The following DGKB variants were observed in gnomAD, a reference collection of about 807,000 sequenced individuals.
DGKB encodes the protein 90 kDa diacylglycerol kinase.
In DGKB, 67 loss-of-function variants were observed where a neutral mutation model predicts 114.3. That is an observed-to-expected ratio of 0.59 (90% CI 0.48 to 0.72). DGKB has a LOEUF of 0.72. DGKB is among the 30% of genes least tolerant of loss of function. DGKB has a pLI of 0.00. For synonymous variants in DGKB, 398 were observed against 323.1 expected, an observed-to-expected ratio of 1.23 and a Z score of -2.49; for missense variants, 907 against 975.2, an observed-to-expected ratio of 0.93 and a Z score of 0.93.
At chr7:14,940,005 CT>C (rs1177370392) in intron 1 of DGKB, among the ~76,000 whole-genome samples, 4 of 152,160 alleles carry the variant, frequency 2.6e-5, no homozygotes, top group Non-Finnish European at 4.4e-5. Context: ...TGTAAAAACA[CT>C]GTGTGGTGAC....
At chr7:14,575,049 C>A (rs1156637414) in intron 19 of DGKB, among the ~76,000 whole-genome samples, 3 of 152,146 alleles carry the variant, frequency 2.0e-5, no homozygotes, top group African/African-American at 7.2e-5. Context: ...TACTTGAGGC[C>A]AGGAGTTCCA....
chr7:14,964,730 A>G (rs1427355167), intron 1 of DGKB, among the ~76,000 whole-genome samples: 1 of 152,148 alleles, frequency 6.6e-6, no homozygotes, highest in African/African-American at 2.4e-5. Context: ...TGAGGAGGAA[A>G]TATTGAGGAG....
intron 14 of DGKB, among the ~76,000 whole-genome samples, chr7:14,628,313 G>GTGTGTGTGTGTGTA (rs1179521175): frequency 6.6e-6 from 1 of 152,108 alleles, no homozygotes; most frequent in Non-Finnish European, 1.5e-5. Flanking sequence ...AGTTATGTGT[G>GTGTGTGTGTGTGTA]TGTGTGTGTG....
intron 21 of DGKB, among the ~76,000 whole-genome samples, chr7:14,352,585 T>C (rs1456772006): frequency 1.3e-5 from 2 of 152,140 alleles, no homozygotes; most frequent in Non-Finnish European, 2.9e-5. Context: ...ACATGTAAAA[T>C]GTTTAAACAA....
intron 13 of DGKB, among the ~76,000 whole-genome samples, chr7:14,665,780 A>G (rs1352833979): frequency 2.0e-5 from 3 of 152,064 alleles, no homozygotes; most frequent in Non-Finnish European, 1.5e-5. Flanking sequence ...TTAAAGAGCC[A>G]CTTTACCTCA....
At chr7:14,563,919 G>C (rs1032910702) in intron 20 of DGKB, among the ~76,000 whole-genome samples, 2 of 151,936 alleles carry the variant, frequency 1.3e-5, no homozygotes, top group South Asian at 4.1e-4. Flanking sequence ...GCTCAGCCAG[G>C]GGAATGAAAA....
chr7:14,631,247 G>C (rs900456539), intron 13 of DGKB, among the ~76,000 whole-genome samples: 1 of 95,380 alleles, frequency 1.0e-5, no homozygotes, highest in African/African-American at 4.1e-5. Context: ...GAGAACTTTA[G>C]AAAGGCAGCA....
chr7:14,723,887 T>A (rs1323710314), intron 5 of DGKB, among the ~76,000 whole-genome samples: 1 of 152,172 alleles, frequency 6.6e-6, no homozygotes, highest in Admixed American at 6.5e-5. Context: ...AGACACTTCA[T>A]TTCTTGAAAC....
chr7:14,183,440 G>A (rs979651216), intron 23 of DGKB, among the ~76,000 whole-genome samples: 1 of 152,202 alleles, frequency 6.6e-6, no homozygotes, highest in Non-Finnish European at 1.5e-5. Context: ...GTACAAGTAT[G>A]TAAAACATAA....
chr7:14,485,641 G>A (rs1783690268), intron 20 of DGKB, among the ~76,000 whole-genome samples: 1 of 152,026 alleles, frequency 6.6e-6, no homozygotes, highest in Admixed American at 6.6e-5. Context: ...GCTCACGCCT[G>A]TAATCCCAGC....
intron 2 of DGKB, among the ~76,000 whole-genome samples, chr7:14,830,780 G>T (rs537648360): frequency 6.6e-6 from 1 of 152,146 alleles, no homozygotes; most frequent in Non-Finnish European, 1.5e-5. Flanking sequence ...TACAAAAGAA[G>T]TTACTGCAGC....
At chr7:14,880,540 T>G (rs1370212446) in intron 1 of DGKB, among the ~76,000 whole-genome samples, 1 of 152,166 alleles carries the variant, frequency 6.6e-6, no homozygotes, top group Non-Finnish European at 1.5e-5. Context: ...CAAGATCAAG[T>G]TGGAACAATA....
At chr7:14,397,660 T>A (rs1389129793) in intron 21 of DGKB, among the ~76,000 whole-genome samples, 1 of 152,134 alleles carries the variant, frequency 6.6e-6, no homozygotes, top group African/African-American at 2.4e-5. Flanking sequence ...AGTGGACACT[T>A]CTTTGTCATA....
chr7:14,714,963 A>G (rs914376832), intron 6 of DGKB, among the ~76,000 whole-genome samples: 3 of 152,172 alleles, frequency 2.0e-5, no homozygotes, highest in African/African-American at 7.2e-5. Context: ...ATGGGAAGTA[A>G]TAAGTGTGAA....
At chr7:14,768,885 T>C (rs550624706) in intron 2 of DGKB, among the ~76,000 whole-genome samples, 63 of 152,048 alleles carry the variant, frequency 4.1e-4, no homozygotes, top group African/African-American at 1.2e-3. Flanking sequence ...TGTTCTTACA[T>C]TGGAACATTT....
chr7:14,743,559 G>C (rs1371043369), intron 4 of DGKB, among the ~76,000 whole-genome samples: 2 of 152,138 alleles, frequency 1.3e-5, no homozygotes, highest in African/African-American at 4.8e-5. Context: ...GCATCTAGAA[G>C]AAGAGAGGTA....
chr7:14,763,693 T>C (rs17168404), intron 2 of DGKB, among the ~76,000 whole-genome samples: 3,405 of 152,190 alleles, frequency 0.022, 132 homozygotes, highest in African/African-American at 0.078. Context: ...GTAAATATAT[T>C]TTAAAGATCA....
intron 23 of DGKB, among the ~76,000 whole-genome samples, chr7:14,253,732 C>T (rs1795574085): frequency 6.6e-6 from 1 of 152,022 alleles, no homozygotes; most frequent in Admixed American, 6.6e-5. Flanking sequence ...TTTTATTATC[C>T]TCTCAGAAAT....
At chr7:14,234,040 T>C (rs1321502406) in intron 23 of DGKB, among the ~76,000 whole-genome samples, 2 of 152,078 alleles carry the variant, frequency 1.3e-5, no homozygotes, top group African/African-American at 2.4e-5. Flanking sequence ...GTGGTCCCCC[T>C]TGCCTGGCAA....
Sources: gnomAD v4.1 joint callset for allele counts (sites outside exome capture counted in the v4.1 genomes callset) on GRCh38, gnomAD v4.1.1 for gene constraint, MANE v1.5 for transcripts, NCBI Gene and HGNC (gene_info 2026-07-23, HGNC 2026-07-21) for gene names.